The following KIF26B variants were observed in gnomAD, a reference collection of about 807,000 sequenced individuals.
The protein encoded by KIF26B is kinesin family member 26B.
In KIF26B, 63 loss-of-function variants were observed where a neutral mutation model predicts 151.2. The observed-to-expected ratio is 0.42, with a 90% confidence interval of 0.34 to 0.51. KIF26B has a LOEUF of 0.51. Ranked by LOEUF, KIF26B falls within the 20% of genes least tolerant of loss-of-function variation. KIF26B has a pLI of 0.07. For synonymous variants in KIF26B, 1,357 were observed against 1,262.1 expected (o/e 1.08, Z -1.59); for missense variants, 2,813 against 2,913.6 (o/e 0.97, Z 0.79).
intron 2 of KIF26B, among the ~76,000 whole-genome samples, chr1:245,171,080 G>T (rs1296942902): frequency 6.6e-6 from 1 of 152,192 alleles, no homozygotes; most frequent in Non-Finnish European, 1.5e-5. Flanking sequence ...AGCTGGTTTT[G>T]ATCTTTTGGT....
In KIF26B at chr1:245,704,055, GTGAT is replaced by G. The variant is rs78249587; in HGVS notation, c.*1454_*1457del. 1 of 151,658 alleles carries G rather than the reference GTGAT, an allele frequency of 6.6e-6. No homozygotes were observed. Among genetic ancestry groups the G allele is most frequent in the South Asian group, 2.1e-4 (1 of 4,808 alleles). 9.4% of individuals were successfully genotyped at this position (151,658 alleles called of 1,614,324 possible). A position where few individuals can be genotyped will look rare whatever the true frequency, so the allele number is the denominator to read the frequency against. On this transcript the variant is annotated 3_prime_UTR_variant, in exon 15 of 15. Coordinates refer to ENST00000407071, the MANE Select transcript of KIF26B (RefSeq NM_018012.4). ...CTTAGGAATTATGATACCCATTTTA[GTGAT>G]TGATAGAAACCTGGGGTACAGAGTG...
At chr1:245,521,340 TA>T (rs5782356) in intron 4 of KIF26B, among the ~76,000 whole-genome samples, 439 of 136,126 alleles carry the variant, frequency 3.2e-3, no homozygotes, top group Middle Eastern at 3.8e-3. Context: ...GACTCCGTCT[TA>T]AAAAAAAAAA....
intron 3 of KIF26B, among the ~76,000 whole-genome samples, chr1:245,390,175 G>GTTT (rs61383926): frequency 0.49 from 71,229 of 146,702 alleles, 18,300 homozygotes; most frequent in South Asian, 0.66. Flanking sequence ...TATTTGGAGG[G>GTTT]TTTTTTTTTT....
chr1:245,309,789 C>A lies in KIF26B; in HGVS notation c.466-57045C>A, dbSNP rs1271188372. Among the ~76,000 whole-genome samples, 8 of 147,010 alleles carry A rather than the reference C, an allele frequency of 5.4e-5. No individual in the cohort carries two copies. In the Admixed American group the frequency reaches 5.5e-4, roughly 10 times the overall value. On this transcript the variant is annotated intron_variant, in intron 2 of 14. Transcript: ENST00000407071. ...CTGGCGAATACAGACATTCCATATG[C>A]AAAGAGAGGCCGCGTGGTCTTAGGT...
chr1:245,366,518 G>A (rs1488833615), intron 2 of KIF26B, among the ~76,000 whole-genome samples: 1 of 148,130 alleles, frequency 6.8e-6, no homozygotes, highest in East Asian at 2.0e-4. Flanking sequence ...GTGACAAGGC[G>A]AGACTCCATC....
At chr1:245,471,234 A>G (rs982990380) in intron 4 of KIF26B, among the ~76,000 whole-genome samples, 2 of 151,366 alleles carry the variant, frequency 1.3e-5, no homozygotes, top group African/African-American at 4.9e-5. Flanking sequence ...AGGTTCGTGC[A>G]GTTCTCCTGC....
intron 2 of KIF26B, among the ~76,000 whole-genome samples, chr1:245,193,485 C>CA (rs1669143757): frequency 2.0e-5 from 3 of 150,108 alleles, no homozygotes; most frequent in Non-Finnish European, 4.4e-5. Flanking sequence ...TTAAATAAAC[C>CA]GGAAAGCTTA....
chr1:245,207,933 A>C (rs1669439002), intron 2 of KIF26B, among the ~76,000 whole-genome samples: 1 of 152,230 alleles, frequency 6.6e-6, no homozygotes, highest in African/African-American at 2.4e-5. Context: ...GTATCAGAGA[A>C]GAGAGTAGCT....
intron 10 of KIF26B, among the ~76,000 whole-genome samples, chr1:245,652,909 C>A (rs2044035803): frequency 6.6e-6 from 1 of 152,168 alleles, no homozygotes. Flanking sequence ...GGTCTCGGGG[C>A]TGGGTAGAAA....
intron 5 of KIF26B, among the ~76,000 whole-genome samples, chr1:245,556,025 C>T (rs1008377013): frequency 6.6e-6 from 1 of 152,082 alleles, no homozygotes; most frequent in Non-Finnish European, 1.5e-5. Context: ...GCAGGCTCAT[C>T]GTTTCCAAAG....
intron 4 of KIF26B, among the ~76,000 whole-genome samples, chr1:245,465,198 T>A (rs568084789): frequency 1.3e-5 from 2 of 152,282 alleles, no homozygotes; most frequent in South Asian, 4.2e-4. Flanking sequence ...CAGGATGGTC[T>A]CCATCTCCTG....
In KIF26B at chr1:245,606,916, A is replaced by C. The variant is rs555950922; in HGVS notation, c.1558-735A>C. ...CCTCTCTACTAAAAAAATGCAAAAAATTAGCCAGGCATGGTGGCACATGCC... is the reference window on the plus strand; with the variant it reads ...CCTCTCTACTAAAAAAATGCAAAAACTTAGCCAGGCATGGTGGCACATGCC... On this transcript the variant is annotated intron_variant, in intron 6 of 14. Transcript: ENST00000407071. This position sits in a 1 kb window ranked among gnomAD's most constrained non-coding sequence, Gnocchi z 4.6. Among the ~76,000 whole-genome samples the C allele has an allele frequency of 6.6e-6, 1 of 152,140 alleles. No individual in the cohort carries two copies.
rs562693918 is a variant in KIF26B at position 245,156,587 on chromosome 1, G to C, written c.369G>C (p.Ser123=). ...SGSGGGSSPG[S]DRGVWCENCN... is the part of the protein sequence containing the mutation. ...GCGGCGGCGGCTCCTCCCCCGGCTC[G>C]GACCGCGGCGTCTGGTGCGAGAACT... Residue 123 remains serine, a synonymous_variant, in exon 2 of 15, where the codon TCG becomes TCC. Coordinates refer to ENST00000407071, the MANE Select transcript of KIF26B (RefSeq NM_018012.4). 1.3e-4 allele frequency: 193 copies of C among 1,527,576 alleles called. No individual in the cohort carries two copies. The African/African-American group carries it at 2.2e-3, about 18-fold the overall frequency. The allele number at this position is 1,527,576 out of a possible 1,614,324, so 94.6% of individuals were successfully genotyped here.
chr1:245,655,210 C>T (rs1460149926), intron 10 of KIF26B, among the ~76,000 whole-genome samples: 1 of 152,248 alleles, frequency 6.6e-6, no homozygotes, highest in East Asian at 1.9e-4. Flanking sequence ...ATTTCTCCAT[C>T]AGCAAAATCT....
intron 3 of KIF26B, among the ~76,000 whole-genome samples, chr1:245,411,178 G>T (rs999385071): frequency 6.6e-6 from 1 of 152,198 alleles, no homozygotes; most frequent in South Asian, 2.1e-4. Context: ...GCTTAGGAAA[G>T]GTTCATGACA....
chr1:245,624,460 T>C lies in KIF26B; in HGVS notation c.2098+12484T>C, dbSNP rs780748211. ...GTCTTTTAAGTTTTGCCTGTTTACA[T>C]AGTAGGTTTGTAATAGTGTCTTGTG... is the stretch of plus-strand genomic sequence containing the variant. On this transcript the variant is annotated intron_variant, in intron 9 of 14. Coordinates refer to ENST00000407071, the MANE Select transcript of KIF26B (RefSeq NM_018012.4). Among the ~76,000 whole-genome samples the C allele has an allele frequency of 1.5e-4, 23 of 152,324 alleles. 1 individual carries two copies. In the South Asian group the frequency reaches 3.5e-3, roughly 23 times the overall value.
intron 2 of KIF26B, among the ~76,000 whole-genome samples, chr1:245,182,494 A>G (rs1668923899): frequency 6.6e-6 from 1 of 152,012 alleles, no homozygotes; most frequent in South Asian, 2.1e-4. Context: ...TATGTGGGCT[A>G]TTTCTAGTTT....
At position 245,156,397 on chromosome 1, in the gene KIF26B, G is replaced by A; in HGVS notation, c.179G>A (p.Gly60Asp). ...AGCCGGCCCACTCCTGAGGGCGCGG[G>A]CTCAGCGCTCGGCTCCTCGGGGACC... is the stretch of plus-strand genomic sequence containing the variant. Reference protein sequence around the residue: ...AGSRPTPEGAGSALGSSGTPS... With the variant: ...AGSRPTPEGADSALGSSGTPS... Residue 60 changes from glycine (G) to aspartate (D), a missense_variant, in exon 2 of 15, where the codon GGC becomes GAC. This residue lies in a region of KIF26B where 676 missense variants were observed against 688.1 expected (regional missense o/e 0.98). Transcript: ENST00000407071. 6.5e-7 allele frequency: 1 copy of A among 1,539,426 alleles called. No homozygotes were observed. The highest frequency in any genetic ancestry group is 1.4e-5 in the African/African-American group (1 of 71,724).
chr1:245,349,589 A>G (rs1196168691), intron 2 of KIF26B, among the ~76,000 whole-genome samples: 2 of 151,496 alleles, frequency 1.3e-5, no homozygotes, highest in Non-Finnish European at 2.9e-5. Context: ...AGCCAACAAA[A>G]CTCACTCTGA....
Sources: gnomAD v4.1 joint callset for allele counts (sites outside exome capture counted in the v4.1 genomes callset) on GRCh38, gnomAD v4.1.1 for gene constraint, gnomAD v4.1.1 regional missense constraint, Gnocchi (gnomAD v3.1) non-coding constraint, MANE v1.5 for transcripts, NCBI Gene and HGNC (gene_info 2026-07-23, HGNC 2026-07-21) for gene names.